The following FSTL4 variants were observed in gnomAD, a reference collection of about 807,000 sequenced individuals.
The protein encoded by FSTL4 is follistatin like 4.
FSTL4 carries 28 observed loss-of-function variants against 78.2 expected under a neutral mutation model. The ratio of observed to expected loss-of-function variants is 0.36; its 90% CI spans 0.27 to 0.49. The LOEUF (loss-of-function observed/expected upper bound fraction) is 0.49. Ranked by LOEUF, FSTL4 falls within the 20% of genes least tolerant of loss-of-function variation. The probability of loss-of-function intolerance (pLI) is 0.98; values close to 1 mark genes in which losing one functional copy is unlikely to be tolerated. For missense variants in FSTL4, 922 were observed against 1,084.9 expected (o/e 0.85, Z 2.11); for synonymous variants, 422 against 440.5 (o/e 0.96, Z 0.53).
chr5:133,204,540 C>T (rs190929919), intron 14 of FSTL4, among the ~76,000 whole-genome samples: 44 of 152,138 alleles, frequency 2.9e-4, no homozygotes, highest in Non-Finnish European at 4.9e-4. Context: ...TCAAAAATTA[C>T]TCTTTCACTG....
intron 3 of FSTL4, among the ~76,000 whole-genome samples, chr5:133,509,856 A>G (rs1020164021): frequency 6.6e-5 from 10 of 152,336 alleles, no homozygotes; most frequent in Non-Finnish European, 1.3e-4. Flanking sequence ...GTGCCCACTG[A>G]CCCAGAGCCT....
chr5:133,495,597 G>A (rs1580745857), intron 3 of FSTL4, among the ~76,000 whole-genome samples: 1 of 152,194 alleles, frequency 6.6e-6, no homozygotes, highest in Middle Eastern at 3.2e-3. Flanking sequence ...AAAGTCTCTG[G>A]AGCTTGATGG....
At chr5:133,673,107 C>A in the FSTL4 span, among the ~76,000 whole-genome samples, 1 of 152,216 alleles carries the variant, frequency 6.6e-6, no homozygotes, top group Non-Finnish European at 1.5e-5. Context: ...TCTGATGAGA[C>A]TTTCCAAAGG....
At chr5:133,558,847 C>T (rs2112935526) in intron 3 of FSTL4, among the ~76,000 whole-genome samples, 1 of 152,262 alleles carries the variant, frequency 6.6e-6, no homozygotes, top group East Asian at 1.9e-4. Context: ...ACCACAGCCA[C>T]AGGAGAGAAA....
the FSTL4 span, among the ~76,000 whole-genome samples, chr5:133,735,916 C>A: frequency 6.6e-6 from 1 of 152,324 alleles, no homozygotes; most frequent in South Asian, 2.1e-4. Flanking sequence ...CACTTCTCCA[C>A]TACCCATTTT....
chr5:133,204,657 C>A (rs987224661), intron 14 of FSTL4, among the ~76,000 whole-genome samples: 2 of 151,938 alleles, frequency 1.3e-5, no homozygotes, highest in African/African-American at 4.8e-5. Context: ...CATGGTGAAA[C>A]CCCATCTCTA....
At chr5:133,204,630 G>C (rs1378839816) in intron 14 of FSTL4, among the ~76,000 whole-genome samples, 1 of 151,988 alleles carries the variant, frequency 6.6e-6, no homozygotes, top group Non-Finnish European at 1.5e-5. Flanking sequence ...TCAGGAGTTT[G>C]AGACCAGCCT....
intron 3 of FSTL4, among the ~76,000 whole-genome samples, chr5:133,549,108 C>T (rs188819185): frequency 1.6e-4 from 24 of 152,276 alleles, no homozygotes; most frequent in Non-Finnish European, 3.2e-4. Context: ...TTGGGATTTA[C>T]TGGGCTTCCT....
At chr5:133,701,924 C>T in the FSTL4 span, among the ~76,000 whole-genome samples, 1 of 152,102 alleles carries the variant, frequency 6.6e-6, no homozygotes, top group African/African-American at 2.4e-5. Flanking sequence ...ATAAGGAAAC[C>T]TATGTAGAGC....
the FSTL4 span, among the ~76,000 whole-genome samples, chr5:133,713,882 T>C: frequency 6.6e-6 from 1 of 152,158 alleles, no homozygotes; most frequent in Non-Finnish European, 1.5e-5. Context: ...TGTTGGGCAA[T>C]GCACAGCCAC....
intron 4 of FSTL4, among the ~76,000 whole-genome samples, chr5:133,335,850 T>C (rs61552010): frequency 0.038 from 5,835 of 152,154 alleles, 242 homozygotes; most frequent in African/African-American, 0.11. Flanking sequence ...TTCTGAATTA[T>C]TATACCCACC....
chr5:133,276,616 C>T (rs918307865), intron 6 of FSTL4, among the ~76,000 whole-genome samples: 1 of 152,172 alleles, frequency 6.6e-6, no homozygotes, highest in African/African-American at 2.4e-5. Context: ...CCTCCCCACT[C>T]CCCACCATGG....
chr5:133,365,523 A>T (rs1222317166), intron 4 of FSTL4, among the ~76,000 whole-genome samples: 1 of 151,992 alleles, frequency 6.6e-6, no homozygotes, highest in East Asian at 1.9e-4. Context: ...GCTAATCAGC[A>T]CCCCTGCTGC....
intron 6 of FSTL4, among the ~76,000 whole-genome samples, chr5:133,289,028 G>T (rs547078807): frequency 3.3e-5 from 5 of 152,184 alleles, no homozygotes; most frequent in Non-Finnish European, 7.3e-5. Context: ...AGGCCCTTGG[G>T]CAAGGGAGCT....
At position 133,360,726 on chromosome 5, in the gene FSTL4, G is replaced by A. The variant is rs142902022; in HGVS notation, c.409+40012C>T. ...CTCATAGAAGGGCTATGTTTTCAAC[G>A]TCCACTTTAATTTCAGACAGTTAAG... On this transcript the variant is annotated intron_variant, in intron 4 of 15. Coordinates refer to ENST00000265342, the MANE Select transcript of FSTL4 (RefSeq NM_015082.2). Among the ~76,000 whole-genome samples the A allele has an allele frequency of 4.1e-4, 62 of 152,192 alleles. 3 individuals carry two copies. In the East Asian group the frequency reaches 0.012, roughly 29 times the overall value.
chr5:133,530,718 G>A (rs1051709881), intron 3 of FSTL4, among the ~76,000 whole-genome samples: 1 of 152,140 alleles, frequency 6.6e-6, no homozygotes, highest in African/African-American at 2.4e-5. Flanking sequence ...ACCCTGCCCC[G>A]ACAACAGGGA....
At chr5:133,371,291 A>G (rs1755292385) in intron 4 of FSTL4, among the ~76,000 whole-genome samples, 1 of 152,216 alleles carries the variant, frequency 6.6e-6, no homozygotes, top group African/African-American at 2.4e-5. Context: ...GGCTGCCCAG[A>G]AGCCAGCACT....
chr5:133,770,233 C>T, the FSTL4 span, among the ~76,000 whole-genome samples: 2 of 151,988 alleles, frequency 1.3e-5, no homozygotes, highest in Non-Finnish European at 2.9e-5. Flanking sequence ...TTATTTCTTT[C>T]CCTTTGGGTA....
chr5:133,286,268 G>C (rs1473219971), intron 6 of FSTL4, among the ~76,000 whole-genome samples: 1 of 152,174 alleles, frequency 6.6e-6, no homozygotes, highest in African/African-American at 2.4e-5. Context: ...TAGACTTTTA[G>C]TGAGGACTGA....
Sources: allele counts gnomAD v4.1 joint callset (sites outside exome capture counted in the v4.1 genomes callset), GRCh38; gene constraint gnomAD v4.1.1; transcripts MANE v1.5; gene names NCBI Gene and HGNC (gene_info 2026-07-23, HGNC 2026-07-21).